The following NRXN1 variants were observed in gnomAD, a reference collection of about 807,000 sequenced individuals.
NRXN1 encodes neurexin-1.
Under a neutral mutation model 150.9 loss-of-function variants are expected in NRXN1, and 39 were observed. That is an observed-to-expected ratio of 0.26 (90% CI 0.20 to 0.34). The LOEUF (loss-of-function observed/expected upper bound fraction) is 0.34, where lower values mean the gene tolerates loss of function less well. Ranked by LOEUF, NRXN1 falls within the 10% of genes least tolerant of loss-of-function variation. The pLI is 1.00. For missense variants in NRXN1, 1,815 were observed against 1,949.9 expected, an observed-to-expected ratio of 0.93 and a Z score of 1.30; for synonymous variants, 924 against 757.0, an observed-to-expected ratio of 1.22 and a Z score of -3.62.
chr2:50,383,028 T>C (rs1405974923), intron 17 of NRXN1, among the ~76,000 whole-genome samples: 6 of 152,198 alleles, frequency 3.9e-5, no homozygotes, highest in Non-Finnish European at 5.9e-5. Context: ...CATCATCATA[T>C]ATGTTCTTGG....
Position 49,919,363 on chromosome 2 carries a change from A to T in NRXN1, c.*2581T>A, listed in dbSNP as rs1486827711. On this transcript the variant is annotated 3_prime_UTR_variant, in exon 23 of 23. Transcript: ENST00000401669. ...AATAATATTAGAAATAATTTTGCTGATAATAAACTATATCAATCATTGCAT... is the reference window on the plus strand; with the variant it reads ...AATAATATTAGAAATAATTTTGCTGTTAATAAACTATATCAATCATTGCAT... 5 of 152,136 alleles carry T rather than the reference A, an allele frequency of 3.3e-5. No homozygotes were observed. The highest frequency in any genetic ancestry group is 7.4e-5 in the Non-Finnish European group (5 of 67,982). 9.4% of individuals were successfully genotyped at this position (152,136 alleles called of 1,614,324 possible).
intron 5 of NRXN1, among the ~76,000 whole-genome samples, chr2:50,816,686 C>A (rs1225868923): frequency 6.6e-6 from 1 of 152,112 alleles, no homozygotes; most frequent in Non-Finnish European, 1.5e-5. Flanking sequence ...TGATGATGTA[C>A]TTACTGCCAC....
chr2:50,985,786 T>TA (rs1294423322), intron 2 of NRXN1, among the ~76,000 whole-genome samples: 1 of 151,460 alleles, frequency 6.6e-6, no homozygotes, highest in Admixed American at 6.6e-5. Context: ...TTTACCCATA[T>TA]AAAAAAATGA....
At chr2:50,204,753 G>C (rs934601646) in intron 18 of NRXN1, among the ~76,000 whole-genome samples, 1 of 151,836 alleles carries the variant, frequency 6.6e-6, no homozygotes, top group Non-Finnish European at 1.5e-5. Context: ...GAGTGGGTGA[G>C]AAATTAGACA....
chr2:51,016,313 G>A (rs1379286091), intron 2 of NRXN1, among the ~76,000 whole-genome samples: 1 of 152,026 alleles, frequency 6.6e-6, no homozygotes, highest in Non-Finnish European at 1.5e-5. Flanking sequence ...CCATCAGAGT[G>A]ACAGGCAACC....
chr2:50,062,671 A>T (rs1244466165), intron 19 of NRXN1, among the ~76,000 whole-genome samples: 2 of 152,102 alleles, frequency 1.3e-5, no homozygotes, highest in Non-Finnish European at 1.5e-5. Context: ...GACTCAGAGA[A>T]CAAAGATAAA....
At chr2:50,383,147 A>G (rs1448670161) in intron 17 of NRXN1, among the ~76,000 whole-genome samples, 1 of 152,128 alleles carries the variant, frequency 6.6e-6, no homozygotes, top group Non-Finnish European at 1.5e-5. Context: ...TTTTCCTAAA[A>G]CTTTGAATCC....
At chr2:50,005,483 A>T (rs1357539187) in intron 21 of NRXN1, among the ~76,000 whole-genome samples, 1 of 152,144 alleles carries the variant, frequency 6.6e-6, no homozygotes, top group East Asian at 1.9e-4. Flanking sequence ...CGGGACAACC[A>T]TGAGAGTCTC....
chr2:50,083,264 G>T (rs1232506504), intron 19 of NRXN1, among the ~76,000 whole-genome samples: 1 of 152,234 alleles, frequency 6.6e-6, no homozygotes, highest in East Asian at 1.9e-4. Flanking sequence ...GTTAAGCCTA[G>T]TTGATATAAT....
At chr2:49,994,205 TTGA>T (rs1407315628) in intron 21 of NRXN1, among the ~76,000 whole-genome samples, 2 of 152,184 alleles carry the variant, frequency 1.3e-5, no homozygotes, top group African/African-American at 4.8e-5. Flanking sequence ...CTTCAATGTG[TTGA>T]TGACTCTGCA....
chr2:49,991,833 G>A (rs756799691), intron 21 of NRXN1, among the ~76,000 whole-genome samples: 4 of 152,102 alleles, frequency 2.6e-5, no homozygotes, highest in Non-Finnish European at 5.9e-5. Flanking sequence ...ATCATCTAAC[G>A]TCAAGCCTTA....
chr2:51,024,642 T>C (rs1018838155), intron 2 of NRXN1, among the ~76,000 whole-genome samples: 5 of 152,184 alleles, frequency 3.3e-5, no homozygotes, highest in African/African-American at 9.7e-5. Context: ...GCATAAGTTG[T>C]TTCAAGGCAC....
intron 5 of NRXN1, among the ~76,000 whole-genome samples, chr2:50,793,695 G>A (rs1031791328): frequency 2.0e-4 from 30 of 151,998 alleles, no homozygotes; most frequent in Admixed American, 2.0e-3. Flanking sequence ...AATCCAAAGG[G>A]ACATACTGAG....
intron 19 of NRXN1, among the ~76,000 whole-genome samples, chr2:50,058,103 A>G (rs1233270400): frequency 2.0e-5 from 3 of 152,202 alleles, no homozygotes; most frequent in African/African-American, 7.2e-5. Context: ...TTGTCCTCAA[A>G]CATTTGACTA....
rs140393624 is a variant in NRXN1, at chr2:50,504,975, A to C, written c.2497+1520T>G. Among the ~76,000 whole-genome samples, 1,058 of 152,242 alleles carry C rather than the reference A, an allele frequency of 6.9e-3. 18 individuals carry two copies. The highest frequency in any genetic ancestry group is 0.024 in the African/African-American group (1,016 of 41,556). On this transcript the variant is annotated intron_variant, in intron 13 of 22. Coordinates refer to ENST00000401669, the MANE Select transcript of NRXN1 (RefSeq NM_001330078.2). ...TATCAATTGCTTTAAACAATACCCA[A>C]AACCAAGTTCCTTAACTTCTCTTCT...
intron 17 of NRXN1, among the ~76,000 whole-genome samples, chr2:50,248,256 C>G (rs553367162): frequency 6.6e-5 from 10 of 152,284 alleles, no homozygotes; most frequent in African/African-American, 2.4e-4. Context: ...CTCAATAGAT[C>G]TTTCTGCCTT....
At chr2:49,930,773 T>C (rs1250497382) in intron 22 of NRXN1, among the ~76,000 whole-genome samples, 2 of 152,206 alleles carry the variant, frequency 1.3e-5, no homozygotes, top group Non-Finnish European at 2.9e-5. Flanking sequence ...GCATGTTTTA[T>C]GTATAGTTAG....
intron 4 of NRXN1, 23 bp downstream of exon 4, chr2:50,922,635 T>A: frequency 6.2e-7 from 1 of 1,607,940 alleles, no homozygotes. Flanking sequence ...GAAAGCAGAG[T>A]GGAAAAGGAA....
chr2:50,623,166 G>T, intron 6 of NRXN1, 148 bp downstream of exon 6: 1 of 626,190 alleles, frequency 1.6e-6, no homozygotes, highest in Non-Finnish European at 2.7e-6. Flanking sequence ...CTCAAGTATG[G>T]CAGGAAGATT....
Sources: gnomAD v4.1 joint callset for allele counts (sites outside exome capture counted in the v4.1 genomes callset) on GRCh38, gnomAD v4.1.1 for gene constraint, MANE v1.5 for transcripts, NCBI Gene and HGNC (gene_info 2026-07-23, HGNC 2026-07-21) for gene names.